SCAMP3: variants seen among roughly 807,000 people sequenced by gnomAD.
SCAMP3 encodes the protein secretory carrier membrane protein 3, also known as secretory carrier-associated membrane protein 3.
In SCAMP3, 30 loss-of-function variants were observed where a neutral mutation model predicts 44.1. The ratio of observed to expected loss-of-function variants is 0.68; its 90% CI spans 0.51 to 0.92. SCAMP3 has a LOEUF of 0.92. Among genes scored for constraint, SCAMP3 ranks in the 40% least tolerant of loss-of-function variants. The probability of loss-of-function intolerance (pLI) is 0.00; values close to 1 mark genes in which losing one functional copy is unlikely to be tolerated. For missense variants in SCAMP3, 394 were observed against 440.0 expected (o/e 0.90, Z 0.93); for synonymous variants, 168 against 171.1 (o/e 0.98, Z 0.14).
At chr1:155,257,433 G>A (rs1464817184) in intron 6 of SCAMP3, 47 bp from the exon 7 acceptor site, 3 of 1,607,200 alleles carry the variant, frequency 1.9e-6, no homozygotes, top group Non-Finnish European at 2.6e-6. Context: ...AATTAGAGCT[G>A]AAGGATGGGC....
In SCAMP3 at chr1:155,261,874, C is replaced by G. The variant is rs1175505989; in HGVS notation, c.67-140G>C. Reference sequence around the variant, plus strand: ...TGTCCCAGGACTGGGACAACATTTACCTCAAATCCATCATCCAACACTGCC... The same window carrying G: ...TGTCCCAGGACTGGGACAACATTTAGCTCAAATCCATCATCCAACACTGCC... On this transcript the variant is annotated intron_variant, in intron 1 of 8. Transcript: ENST00000302631. 4.6e-6 allele frequency: 4 copies of G among 864,500 alleles called. No individual in the cohort carries two copies. In the East Asian group the frequency reaches 1.0e-4, roughly 23 times the overall value. The allele number at this position is 864,500 out of a possible 1,614,324, so 53.6% of individuals were successfully genotyped here.
intron 4 of SCAMP3, 119 bp from the exon 5 acceptor site, chr1:155,259,073 T>C: frequency 1.2e-6 from 1 of 840,180 alleles, no homozygotes; most frequent in South Asian, 2.0e-5. Context: ...TTTTTTGAGA[T>C]AGGGTCTCTG....
At chr1:155,261,961 G>A in intron 1 of SCAMP3, 125 bp downstream of exon 1, 1 of 990,722 alleles carries the variant, frequency 1.0e-6, no homozygotes, top group South Asian at 1.5e-5. Flanking sequence ...TGGAGTCACT[G>A]TCACCCCACG....
chr1:155,257,531 A>G lies in SCAMP3; in HGVS notation c.644T>C (p.Val215Ala), dbSNP rs1471191379. ...WVLLFTPCSF[V>A]CWYRPMYKAF... Reference sequence around the variant, plus strand: ...CTTATACATGGGGCGGTACCAGCAGACAAAGGAGCAGGGAGTGAAAAGGAG... The same window carrying G: ...CTTATACATGGGGCGGTACCAGCAGGCAAAGGAGCAGGGAGTGAAAAGGAG... The change falls in exon 6 of 9, where the codon GTC (valine) becomes GCC (alanine). Residue 215 changes from valine to alanine, a missense_variant. By Grantham distance (64) the Val-to-Ala change is moderately conservative. Coordinates refer to ENST00000302631, the MANE Select transcript of SCAMP3 (RefSeq NM_005698.4). 1 of 1,612,534 alleles carries G rather than the reference A, an allele frequency of 6.2e-7. No individual in the cohort carries two copies. Among genetic ancestry groups the G allele is most frequent in the Non-Finnish European group, 8.5e-7 (1 of 1,179,294 alleles).
In SCAMP3 at chr1:155,257,522, T is replaced by C. The variant is rs760744089; in HGVS notation, c.653A>G (p.Tyr218Cys). The C allele has an allele frequency of 2.0e-5, 33 of 1,613,074 alleles. No homozygotes were observed. The highest frequency in any genetic ancestry group is 2.8e-5 in the Non-Finnish European group (33 of 1,179,558). The change falls in exon 6 of 9, where the codon TAC (tyrosine) becomes TGC (cysteine). Residue 218 changes from tyrosine to cysteine, a missense_variant. By Grantham distance (194) the Tyr-to-Cys change is radical. Transcript: ENST00000302631. ...LFTPCSFVCWYRPMYKAFRSD... is the reference protein window; with the variant it reads ...LFTPCSFVCWCRPMYKAFRSD... ...CCGGAAAGCCTTATACATGGGGCGG[T>C]ACCAGCAGACAAAGGAGCAGGGAGT...
At chr1:155,259,028 T>G in intron 4 of SCAMP3, 74 bp from the exon 5 acceptor site, 7 of 1,060,354 alleles carry the variant, frequency 6.6e-6, no homozygotes, top group Non-Finnish European at 9.5e-6. Flanking sequence ...CCCCCTTCTC[T>G]CCATCCCTGG....
rs946499418 is a variant in SCAMP3, at chr1:155,257,384, C to G, written c.680G>C (p.Ser227Thr). 1 of 1,613,170 alleles carries G rather than the reference C, an allele frequency of 6.2e-7. No homozygotes were observed. The highest frequency in any genetic ancestry group is 8.5e-7 in the Non-Finnish European group (1 of 1,179,440). Residue 227 changes from serine (S) to threonine (T), a missense_variant and splice_region_variant, in exon 7 of 9, where the codon AGT becomes ACT. By Grantham distance (58) the Ser-to-Thr change is moderately conservative. Coordinates refer to ENST00000302631, the MANE Select transcript of SCAMP3 (RefSeq NM_005698.4). ...WYRPMYKAFR[S>T]DSSFNFFVFF... ...AACGAAGAAATTGAATGAACTGTCA[C>G]TCCTACAAAGAGGAAAAAAATGGGG...
At chr1:155,260,753 T>C (rs1472829557) in intron 2 of SCAMP3, 94 bp from the exon 3 acceptor site, 11 of 1,137,894 alleles carry the variant, frequency 9.7e-6, no homozygotes, top group Non-Finnish European at 1.4e-5. Flanking sequence ...ACTCATGATG[T>C]AAGGAAGCAG....
intron 7 of SCAMP3, 141 bp from the exon 8 acceptor site, chr1:155,256,932 A>C: frequency 1.5e-6 from 1 of 659,418 alleles, no homozygotes; most frequent in Non-Finnish European, 2.7e-6. Context: ...CACAATCCCA[A>C]ACTGTATCTA....
intron 7 of SCAMP3, 62 bp from the exon 8 acceptor site, chr1:155,256,853 C>T: frequency 3.8e-6 from 5 of 1,324,834 alleles, no homozygotes; most frequent in Non-Finnish European, 4.4e-6. Flanking sequence ...GGTTATGTCA[C>T]CAGCATCCCC....
chr1:155,256,283 C>G lies in SCAMP3; in HGVS notation c.1034G>C (p.Arg345Pro), dbSNP rs746718405. The G allele has an allele frequency of 6.3e-7, 1 of 1,577,208 alleles. No homozygotes were observed. Among genetic ancestry groups the G allele is most frequent in the African/African-American group, 1.4e-5 (1 of 73,728 alleles). Residue 345 changes from arginine (R) to proline (P), a missense_variant, in exon 9 of 9, where the codon CGG becomes CCG. Arg to Pro is a moderately radical substitution (Grantham distance 103). Coordinates refer to ENST00000302631, the MANE Select transcript of SCAMP3 (RefSeq NM_005698.4). ...AAAGAAENAFRAP is the reference protein window; with the variant it reads ...AAAGAAENAFPAP ...CATCCCAGTCAGGGGTCACGGGGCC[C>G]GGAAGGCATTTTCAGCAGCCCCAGC...
At chr1:155,256,518 A>C (rs1672801301) in intron 8 of SCAMP3, 99 bp from the exon 9 acceptor site, 4 of 1,403,604 alleles carry the variant, frequency 2.8e-6, no homozygotes, top group Non-Finnish European at 9.9e-7. Context: ...GCTGCCCAGC[A>C]CACACACTCA....
Position 155,257,750 on chromosome 1 carries a change from G to A in SCAMP3, c.518-93C>T, listed in dbSNP as rs946370738. The A allele has an allele frequency of 3.2e-6, 4 of 1,233,886 alleles. No individual in the cohort carries two copies. The African/African-American group carries it at 6.1e-5, about 19-fold the overall frequency. The allele number at this position is 1,233,886 out of a possible 1,614,324, so 76.4% of individuals were successfully genotyped here. On this transcript the variant is annotated intron_variant, in intron 5 of 8. Transcript: ENST00000302631. ...TCATCCTATAATATTCACCAAACAT[G>A]GCAGAGTAAGGAAATGAAGGCAGCT...
chr1:155,257,747 C>T lies in SCAMP3; in HGVS notation c.518-90G>A. On this transcript the variant is annotated intron_variant, in intron 5 of 8. Transcript: ENST00000302631. ...TGCTCATCCTATAATATTCACCAAA[C>T]ATGGCAGAGTAAGGAAATGAAGGCA... The T allele has an allele frequency of 2.4e-6, 3 of 1,274,116 alleles. No homozygotes were observed. In the South Asian group the frequency reaches 4.0e-5, roughly 17 times the overall value. The allele number at this position is 1,274,116 out of a possible 1,614,324, so 78.9% of individuals were successfully genotyped here.
chr1:155,257,139 T>C (rs1042190695), intron 7 of SCAMP3, 146 bp downstream of exon 7: 23 of 646,232 alleles, frequency 3.6e-5, no homozygotes, highest in Middle Eastern at 3.8e-4. Context: ...CTGCGCTCTA[T>C]CCTGGAAGTA....
In SCAMP3 at chr1:155,257,664, G is replaced by A. The variant is rs1348314559; in HGVS notation, c.518-7C>T. On this transcript the variant is annotated splice_polypyrimidine_tract_variant and splice_region_variant and intron_variant, in intron 5 of 8. Coordinates refer to ENST00000302631, the MANE Select transcript of SCAMP3 (RefSeq NM_005698.4). ...AGAAGAGCCAGCGTGCTGCCTAAGGGGCAGAGGGACAGGATGAGGAGCCCT... is the reference window on the plus strand; with the variant it reads ...AGAAGAGCCAGCGTGCTGCCTAAGGAGCAGAGGGACAGGATGAGGAGCCCT... 6.4e-7 allele frequency: 1 copy of A among 1,553,482 alleles called. No individual in the cohort carries two copies. Among genetic ancestry groups the A allele is most frequent in the East Asian group, 2.4e-5 (1 of 41,298 alleles).
At position 155,262,208 on chromosome 1, in the gene SCAMP3, GCGGTAGCGGTA is replaced by G; in HGVS notation, c.-68_-58del. The G allele has an allele frequency of 6.7e-7, 1 of 1,501,674 alleles. No homozygotes were observed. The highest frequency in any genetic ancestry group is 1.1e-5 in the South Asian group (1 of 88,038). The allele number at this position is 1,501,674 out of a possible 1,614,324, so 93.0% of individuals were successfully genotyped here. On this transcript the variant is annotated 5_prime_UTR_variant, in exon 1 of 9. Coordinates refer to ENST00000302631, the MANE Select transcript of SCAMP3 (RefSeq NM_005698.4). Reference sequence around the variant, plus strand: ...CCTCCACGCCCCTGCCGCAGCAGTGGCGGTAGCGGTAGCCCTCAGAGTCCACTTCACTCGCC... The same window carrying G: ...CCTCCACGCCCCTGCCGCAGCAGTGGGCCCTCAGAGTCCACTTCACTCGCC...
rs1672837587 is a variant in SCAMP3, at chr1:155,257,525, C to G, written c.650G>C (p.Trp217Ser). The G allele has an allele frequency of 6.2e-7, 1 of 1,612,974 alleles. No individual in the cohort carries two copies. The highest frequency in any genetic ancestry group is 1.3e-5 in the African/African-American group (1 of 74,992). The stretch of plus-strand genomic sequence containing the variant: ...GAAAGCCTTATACATGGGGCGGTAC[C>G]AGCAGACAAAGGAGCAGGGAGTGAA... ...LLFTPCSFVC[W>S]YRPMYKAFRS... is the part of the protein sequence containing the mutation. Residue 217 changes from tryptophan (W) to serine (S), a missense_variant, in exon 6 of 9, where the codon TGG (tryptophan) becomes TCG (serine). Transcript: ENST00000302631.
intron 4 of SCAMP3, 87 bp from the exon 5 acceptor site, chr1:155,259,041 CCTCT>C (rs1247685045): frequency 1.0e-6 from 1 of 998,680 alleles, no homozygotes; most frequent in Non-Finnish European, 1.4e-6. Context: ...ATCCCTGGAT[CCTCT>C]CTTTTTTTTT....
Sources: gnomAD v4.1 joint callset for allele counts on GRCh38, gnomAD v4.1.1 for gene constraint, MANE v1.5 for transcripts, NCBI Gene and HGNC (gene_info 2026-07-23, HGNC 2026-07-21) for gene names.